The following DLAT variants were observed in gnomAD, a reference collection of about 807,000 sequenced individuals.
DLAT encodes dihydrolipoyllysine-residue acetyltransferase component of pyruvate dehydrogenase complex, mitochondrial.
DLAT carries 43 observed loss-of-function variants against 68.0 expected under a neutral mutation model. The ratio of observed to expected loss-of-function variants is 0.63; its 90% CI spans 0.50 to 0.81. DLAT has a LOEUF of 0.81. Ranked by LOEUF, DLAT falls within the 40% of genes least tolerant of loss-of-function variation. The pLI is 0.00. For synonymous variants in DLAT, 265 were observed against 288.6 expected (o/e 0.92, Z 0.83); for missense variants, 745 against 815.4 (o/e 0.91, Z 1.05).
At chr11:112,026,084 T>C in intron 1 of DLAT, 114 bp from the exon 2 acceptor site, 1 of 892,878 alleles carries the variant, frequency 1.1e-6, no homozygotes, top group Non-Finnish European at 1.8e-6. Context: ...TAGTTCCCAA[T>C]GTGCAATGGA....
chr11:112,040,865 C>T (rs1395193382), intron 7 of DLAT, among the ~76,000 whole-genome samples: 2 of 151,428 alleles, frequency 1.3e-5, no homozygotes, highest in African/African-American at 2.4e-5. Context: ...CAGCAATACT[C>T]GTTACCTTAC....
At chr11:112,057,051 C>A (rs1864137456) in intron 11 of DLAT, among the ~76,000 whole-genome samples, 1 of 152,138 alleles carries the variant, frequency 6.6e-6, no homozygotes, top group Admixed American at 6.5e-5. Flanking sequence ...ATTATTGTAT[C>A]TGTTATGGTG....
chr11:112,034,397 T>A (rs1270578759), intron 5 of DLAT, among the ~76,000 whole-genome samples: 2 of 152,036 alleles, frequency 1.3e-5, no homozygotes, highest in Non-Finnish European at 2.9e-5. Flanking sequence ...TCTTAATTCA[T>A]TTTTAGGCTA....
chr11:112,039,267 C>T lies in DLAT; in HGVS notation c.999C>T (p.Pro333=), dbSNP rs1862932846. Residue 333 remains proline, a synonymous_variant, in exon 7 of 14, where the codon CCC becomes CCT. Coordinates refer to ENST00000280346, the MANE Select transcript of DLAT (RefSeq NM_001931.5). Reference sequence around the variant, plus strand: ...AGGTGGCCGCTGTTCCTCCAACTCCCCAGCCTTTAGCTCCTACACCTTCAG... The same window carrying T: ...AGGTGGCCGCTGTTCCTCCAACTCCTCAGCCTTTAGCTCCTACACCTTCAG... The part of the protein sequence containing the change: ...PPPVAAVPPT[P]QPLAPTPSAP... 1 of 1,613,954 alleles carries T rather than the reference C, an allele frequency of 6.2e-7. No homozygotes were observed. The highest frequency in any genetic ancestry group is 1.3e-5 in the African/African-American group (1 of 75,008).
intron 6 of DLAT, 101 bp from the exon 7 acceptor site, chr11:112,039,143 A>C: frequency 8.6e-7 from 1 of 1,165,188 alleles, no homozygotes; most frequent in South Asian, 1.7e-5. Flanking sequence ...TTAATATTTA[A>C]TTAAAATAGT....
intron 7 of DLAT, among the ~76,000 whole-genome samples, chr11:112,043,069 C>G (rs1222973542): frequency 6.6e-6 from 1 of 152,086 alleles, no homozygotes; most frequent in Admixed American, 6.6e-5. Context: ...TGGAGCTAAC[C>G]AGGAGGAGGC....
rs1555179078 is a variant in DLAT, at chr11:112,025,482, G to A, written c.10G>A (p.Val4Ile). 22 of 1,613,080 alleles carry A rather than the reference G, an allele frequency of 1.4e-5. No homozygotes were observed. Among genetic ancestry groups the A allele is most frequent in the Non-Finnish European group, 1.9e-5 (22 of 1,179,842 alleles). ...GGGGGTTGGTGGCACTATGTGGCGC[G>A]TCTGTGCGCGACGGGCTCAGAATGT... MWR[V>I]CARRAQNVAP... The change falls in exon 1 of 14, where the codon GTC (valine) becomes ATC (isoleucine). Residue 4 changes from valine to isoleucine, a missense_variant. Coordinates refer to ENST00000280346, the MANE Select transcript of DLAT (RefSeq NM_001931.5).
chr11:112,062,293 T>C, intron 13 of DLAT, 113 bp from the exon 14 acceptor site: 2 of 1,104,900 alleles, frequency 1.8e-6, no homozygotes, highest in South Asian at 1.3e-5. Flanking sequence ...GAAGAGTAGA[T>C]AGGAAGTATT....
intron 2 of DLAT, among the ~76,000 whole-genome samples, chr11:112,027,122 AGG>A (rs1221515670): frequency 6.8e-6 from 1 of 148,078 alleles, no homozygotes; most frequent in Non-Finnish European, 1.5e-5. Context: ...TGCCGGGCGG[AGG>A]GGCTCCTCAC....
chr11:112,027,806 A>C (rs587646874), intron 2 of DLAT, among the ~76,000 whole-genome samples: 1 of 150,316 alleles, frequency 6.7e-6, no homozygotes, highest in South Asian at 2.3e-4. Flanking sequence ...AGGCTGAGGC[A>C]GGAGAATCAG....
At chr11:112,033,317 A>G (rs587745091) in intron 4 of DLAT, 87 bp from the exon 5 acceptor site, 38 of 1,510,164 alleles carry the variant, frequency 2.5e-5, no homozygotes, top group Non-Finnish European at 3.3e-5. Context: ...AGTCACCATC[A>G]TTCTATGAAA....
rs1281090596 is a variant in DLAT at position 112,062,783 on chromosome 11, G to A, written c.*248G>A. 1.1e-5 allele frequency: 5 copies of A among 456,082 alleles called. No individual in the cohort carries two copies. The highest frequency in any genetic ancestry group is 2.0e-5 in the Non-Finnish European group (5 of 249,320). 28.3% of individuals were successfully genotyped at this position (456,082 alleles called of 1,614,324 possible). On this transcript the variant is annotated 3_prime_UTR_variant, in exon 14 of 14. Transcript: ENST00000280346. ...GTACTCCTAATTAAGGGACATGTAT[G>A]TGGCCTTGCCTAGCCCTTTGGTGAT...
intron 4 of DLAT, among the ~76,000 whole-genome samples, chr11:112,030,982 T>A (rs1046279449): frequency 9.2e-5 from 14 of 152,242 alleles, no homozygotes; most frequent in African/African-American, 3.4e-4. Flanking sequence ...CTACTTTGTG[T>A]CTGTAGCTTT....
intron 5 of DLAT, among the ~76,000 whole-genome samples, chr11:112,036,199 GTGTTTTTTTTTTTTT>G (rs1254474381): frequency 4.2e-4 from 22 of 51,910 alleles, no homozygotes; most frequent in African/African-American, 1.4e-3. Context: ...GTGTGTGTGT[GTGTTTTTTTTTTTTT>G]TTTTTTTTTT....
chr11:112,030,392 G>T, intron 4 of DLAT: 4 of 253,790 alleles, frequency 1.6e-5, no homozygotes, highest in East Asian at 1.1e-4. Flanking sequence ...AACGGAAGTC[G>T]GGGGATCATA....
At chr11:112,056,176 C>CT (rs1211945002) in intron 11 of DLAT, among the ~76,000 whole-genome samples, 2 of 151,954 alleles carry the variant, frequency 1.3e-5, no homozygotes, top group African/African-American at 4.8e-5. Context: ...CATGTAGACA[C>CT]TTTTTAACAT....
intron 10 of DLAT, among the ~76,000 whole-genome samples, chr11:112,048,735 T>C (rs1049256299): frequency 1.3e-4 from 20 of 152,174 alleles, no homozygotes; most frequent in Middle Eastern, 3.4e-3. Flanking sequence ...GATTTCACCA[T>C]GTTGGCCAGG....
chr11:112,027,914 GGGGAGA>G (rs1380345251), intron 2 of DLAT, among the ~76,000 whole-genome samples: 3 of 150,334 alleles, frequency 2.0e-5, no homozygotes, highest in Non-Finnish European at 3.0e-5. Context: ...GGGAGACCGT[GGGGAGA>G]GGGAGAGGGA....
At chr11:112,047,817 G>T (rs1009077499) in intron 10 of DLAT, among the ~76,000 whole-genome samples, 5 of 152,046 alleles carry the variant, frequency 3.3e-5, no homozygotes, top group African/African-American at 9.7e-5. Context: ...CTGTTCCATT[G>T]GTCTATATAT....
Sources: allele counts gnomAD v4.1 joint callset (sites outside exome capture counted in the v4.1 genomes callset), GRCh38; gene constraint gnomAD v4.1.1; transcripts MANE v1.5; gene names NCBI Gene and HGNC (gene_info 2026-07-23, HGNC 2026-07-21).